Variants in H2AC8 observed in about 807,000 individuals in gnomAD.
H2AC8 encodes the protein histone H2A type 1-B/E.
Under a neutral mutation model 6.3 loss-of-function variants are expected in H2AC8, and 9 were observed. The ratio of observed to expected loss-of-function variants is 1.43; its 90% CI spans 0.86 to 2.49. The LOEUF (loss-of-function observed/expected upper bound fraction) is 2.49. H2AC8 is among the 30% of genes most tolerant of loss of function. The pLI is 0.00. For missense variants in H2AC8, 141 were observed against 177.5 expected, an observed-to-expected ratio of 0.79 and a Z score of 1.17; for synonymous variants, 176 against 79.6, an observed-to-expected ratio of 2.21 and a Z score of -6.45.
chr6:26,217,157 C>T, exon 1 of H2AC8: 3 of 1,614,130 alleles, frequency 1.9e-6, no homozygotes, highest in Non-Finnish European at 1.7e-6. Flanking sequence ...ATCTGACGGC[C>T]GAGATCTTAG....
rs369752157 is a variant in H2AC8 at position 26,217,148 on chromosome 6, T to C, written c.174T>C (p.Tyr58=). 3.1e-6 allele frequency: 5 copies of C among 1,614,004 alleles called. No individual in the cohort carries two copies. In the African/African-American group the frequency reaches 5.3e-5, roughly 17 times the overall value. Residue 58 remains tyrosine, a synonymous_variant, in exon 1 of 1, where the codon TAT becomes TAC. Transcript: ENST00000303910. ...TGTACCTGGCAGCGGTGCTGGAATA[T>C]CTGACGGCCGAGATCTTAGAGCTAG... is the stretch of plus-strand genomic sequence containing the variant.
At chr6:26,216,992 G>T in exon 1 of H2AC8, 1 of 1,614,200 alleles carries the variant, frequency 6.2e-7, no homozygotes, top group Non-Finnish European at 8.5e-7. Context: ...GACGTGGAAA[G>T]CAAGGCGGCA....
chr6:26,217,082 C>T (rs141260399), exon 1 of H2AC8: 1 of 1,614,200 alleles, frequency 6.2e-7, no homozygotes, highest in Non-Finnish European at 8.5e-7. Context: ...GCCTCCTCCG[C>T]AAAGGCAACT....
chr6:26,217,233 G>A (rs369524116), exon 1 of H2AC8: 2 of 1,614,242 alleles, frequency 1.2e-6, no homozygotes. Flanking sequence ...CCTGCAGCTA[G>A]CCATCCGCAA....
chr6:26,217,388 G>T, exon 1 of H2AC8: 1 of 1,600,492 alleles, frequency 6.2e-7, no homozygotes, highest in Non-Finnish European at 8.5e-7. Context: ...AGTCAAATCC[G>T]TCAGTGATCC....
Position 26,217,200 on chromosome 6 carries a change from A to T in H2AC8, c.226A>T (p.Lys76Ter). The change falls in exon 1 of 1, where the codon AAG becomes TAG. Residue 76 changes from lysine to a stop codon, truncating the protein, a stop_gained. Transcript: ENST00000303910. LOFTEE classifies it high-confidence loss of function. ...TGGCAACGCGGCTCGCGACAATAAG[A>T]AGACCCGCATCATCCCGCGCCACCT... is the stretch of plus-strand genomic sequence containing the variant. 1 of 1,614,146 alleles carries T rather than the reference A, an allele frequency of 6.2e-7. No individual in the cohort carries two copies. The highest frequency in any genetic ancestry group is 8.5e-7 in the Non-Finnish European group (1 of 1,180,030).
At chr6:26,217,128 C>G in exon 1 of H2AC8, 1 of 1,614,194 alleles carries the variant, frequency 6.2e-7, no homozygotes, top group Non-Finnish European at 8.5e-7. Flanking sequence ...TCCAGTGTAC[C>G]TGGCAGCGGT....
chr6:26,217,097 C>T (rs375254322), exon 1 of H2AC8: 1 of 1,614,206 alleles, frequency 6.2e-7, no homozygotes, highest in Non-Finnish European at 8.5e-7. Flanking sequence ...GCAACTACTC[C>T]GAACGAGTCG....
At chr6:26,217,104 G>C (rs369354782) in exon 1 of H2AC8, 4 of 1,614,214 alleles carry the variant, frequency 2.5e-6, no homozygotes, top group Non-Finnish European at 3.4e-6. Flanking sequence ...CTCCGAACGA[G>C]TCGGGGCCGG....
At chr6:26,216,963 T>C (rs1561989853), upstream of H2AC8, 2 of 1,614,014 alleles carry the variant, frequency 1.2e-6, no homozygotes, top group Non-Finnish European at 1.7e-6. Flanking sequence ...CTTCTGCTGT[T>C]AGGAAGCCAC....
At chr6:26,217,005 G>A (rs761349300) in exon 1 of H2AC8, 4 of 1,614,196 alleles carry the variant, frequency 2.5e-6, no homozygotes, top group East Asian at 2.2e-5. Flanking sequence ...AGGCGGCAAA[G>A]CTCGGGCAAA....
chr6:26,217,418 G>A (rs1162286775), exon 1 of H2AC8: 13 of 1,578,070 alleles, frequency 8.2e-6, no homozygotes, highest in African/African-American at 4.1e-5. Context: ...GAAACCAAAG[G>A]CTCTTTTCAG....
upstream of H2AC8, chr6:26,216,946 G>C: frequency 3.1e-6 from 5 of 1,612,518 alleles, no homozygotes; most frequent in East Asian, 2.2e-5. Flanking sequence ...TCAGTGGATT[G>C]TTAGTTCTTC....
rs758785400 is a variant in H2AC8 at position 26,217,355 on chromosome 6, C to T, written c.381C>T (p.Ala127=). 6.2e-6 allele frequency: 10 copies of T among 1,613,282 alleles called. No homozygotes were observed. In the South Asian group the frequency reaches 1.1e-4, roughly 18 times the overall value. ...AGAAGACGGAGAGCCACCATAAGGC[C>T]AAGGGCAAGTGAAATGATTACTAGT... The change falls in exon 1 of 1, where the codon GCC becomes GCT. Residue 127 remains alanine, a synonymous_variant. Transcript: ENST00000303910.
chr6:26,217,360 G>A (rs1765436586), exon 1 of H2AC8: 1 of 1,612,254 alleles, frequency 6.2e-7, no homozygotes, highest in Admixed American at 1.7e-5. Context: ...AAGGCCAAGG[G>A]CAAGTGAAAT....
At chr6:26,217,204 C>T in exon 1 of H2AC8, 2 of 1,614,194 alleles carry the variant, frequency 1.2e-6, no homozygotes, top group Non-Finnish European at 1.7e-6. Flanking sequence ...AATAAGAAGA[C>T]CCGCATCATC....
exon 1 of H2AC8, chr6:26,217,202 G>A (rs199624466): frequency 6.9e-5 from 112 of 1,614,082 alleles, no homozygotes; most frequent in Non-Finnish European, 1.3e-5. Flanking sequence ...ACAATAAGAA[G>A]ACCCGCATCA....
chr6:26,216,971 C>G (rs375059554), upstream of H2AC8: 14 of 1,613,988 alleles, frequency 8.7e-6, no homozygotes, highest in South Asian at 1.3e-4. Context: ...GTTAGGAAGC[C>G]ACTATGTCTG....
Position 26,216,992 on chromosome 6 carries a change from G to A in H2AC8, c.18G>A (p.Lys6=), listed in dbSNP as rs777204010. The A allele has an allele frequency of 3.1e-6, 5 of 1,614,082 alleles. 1 individual carries two copies. In the African/African-American group the frequency reaches 4.0e-5, roughly 13 times the overall value. The change falls in exon 1 of 1, where the codon AAG becomes AAA. Residue 6 remains lysine, a synonymous_variant. Transcript: ENST00000303910. ...AAGCCACTATGTCTGGACGTGGAAA[G>A]CAAGGCGGCAAAGCTCGGGCAAAAG...
Sources: gnomAD v4.1 joint callset for allele counts on GRCh38, gnomAD v4.1.1 for gene constraint, MANE v1.5 for transcripts, NCBI Gene and HGNC (gene_info 2026-07-23, HGNC 2026-07-21) for gene names.